The following GSE1 variants were observed in gnomAD, a reference collection of about 807,000 sequenced individuals.
The protein encoded by GSE1 is Gse1 coiled-coil protein.
In GSE1, 32 loss-of-function variants were observed where a neutral mutation model predicts 112.6. That is an observed-to-expected ratio of 0.28 (90% CI 0.21 to 0.38). GSE1 has a LOEUF of 0.38. Ranked by LOEUF, GSE1 falls within the 10% of genes least tolerant of loss-of-function variation. GSE1 has a pLI of 1.00. For missense variants in GSE1, 2,348 were observed against 1,699.2 expected (o/e 1.38, Z -6.71); for synonymous variants, 1,115 against 735.6 (o/e 1.52, Z -8.35).
At chr16:85,485,579 G>A (rs746421832) in intron 2 of GSE1, among the ~76,000 whole-genome samples, 20 of 152,244 alleles carry the variant, frequency 1.3e-4, no homozygotes, top group Non-Finnish European at 2.2e-4. Flanking sequence ...CCGCGTTAAG[G>A]ACAGATGGAT....
chr16:85,339,281 T>G (rs2046572496), intron 1 of GSE1, among the ~76,000 whole-genome samples: 1 of 152,144 alleles, frequency 6.6e-6, no homozygotes, highest in Non-Finnish European at 1.5e-5. Flanking sequence ...TGACCCGGGA[T>G]TTCCAGCCGG....
intron 1 of GSE1, among the ~76,000 whole-genome samples, chr16:85,565,536 C>T (rs904696733): frequency 2.0e-5 from 3 of 152,200 alleles, no homozygotes; most frequent in African/African-American, 4.8e-5. Flanking sequence ...GTGCCCACAC[C>T]GGCGAGGGGC....
chr16:85,644,362 A>C (rs1363728174), intron 2 of GSE1, among the ~76,000 whole-genome samples: 1 of 139,518 alleles, frequency 7.2e-6, no homozygotes, highest in Non-Finnish European at 1.6e-5. Flanking sequence ...AAAAAAAAAG[A>C]GTGTTGGGCA....
chr16:85,301,646 C>T (rs1034113398), intron 1 of GSE1, among the ~76,000 whole-genome samples: 16 of 152,200 alleles, frequency 1.1e-4, no homozygotes, highest in African/African-American at 2.4e-4. Flanking sequence ...ATCTGTCCCT[C>T]GTCTCGGCTC....
chr16:85,524,399 G>A (rs1022714745), intron 2 of GSE1, among the ~76,000 whole-genome samples: 7 of 152,120 alleles, frequency 4.6e-5, no homozygotes, highest in African/African-American at 1.7e-4. Flanking sequence ...GGCTGCCTGC[G>A]AAGCTCAGAA....
chr16:85,605,192 C>G (rs1275246071), intron 1 of GSE1, among the ~76,000 whole-genome samples: 1 of 151,818 alleles, frequency 6.6e-6, no homozygotes, highest in Non-Finnish European at 1.5e-5. Context: ...GTCCTGCTCC[C>G]CTTGCCTAGT....
chr16:85,477,913 A>G (rs900936429), intron 2 of GSE1, among the ~76,000 whole-genome samples: 2 of 151,880 alleles, frequency 1.3e-5, no homozygotes, highest in African/African-American at 4.8e-5. Flanking sequence ...CATATCATGC[A>G]TTTCACCCTT....
intron 2 of GSE1, among the ~76,000 whole-genome samples, chr16:85,469,500 T>G (rs1363118994): frequency 6.6e-6 from 1 of 152,202 alleles, no homozygotes; most frequent in African/African-American, 2.4e-5. Flanking sequence ...AGGGCATTTC[T>G]TTGTTTTTAG....
At chr16:85,217,103 C>T (rs2075317613) in intron 1 of GSE1, among the ~76,000 whole-genome samples, 1 of 152,248 alleles carries the variant, frequency 6.6e-6, no homozygotes, top group Non-Finnish European at 1.5e-5. Context: ...GACTCAGCCC[C>T]TTTCTGCTTC....
intron 1 of GSE1, among the ~76,000 whole-genome samples, chr16:85,300,640 G>A (rs2045497369): frequency 6.6e-6 from 1 of 152,226 alleles, no homozygotes; most frequent in Admixed American, 6.5e-5. Context: ...TCTCGCCGAG[G>A]AATAGTCCAT....
chr16:85,180,682 G>A (rs375554498), intron 1 of GSE1, among the ~76,000 whole-genome samples: 1 of 152,186 alleles, frequency 6.6e-6, no homozygotes, highest in South Asian at 2.1e-4. Context: ...GGGAAGTGCC[G>A]GCGCCGGGAT....
intron 1 of GSE1, among the ~76,000 whole-genome samples, chr16:85,324,976 CG>C (rs1420500584): frequency 2.6e-5 from 4 of 151,862 alleles, no homozygotes; most frequent in Non-Finnish European, 5.9e-5. Context: ...TATTTTTATC[CG>C]TTTTTTTTGA....
chr16:85,631,576 C>A (rs886624442), intron 1 of GSE1, among the ~76,000 whole-genome samples: 2 of 152,224 alleles, frequency 1.3e-5, no homozygotes, highest in Non-Finnish European at 2.9e-5. Flanking sequence ...TGGCTGGACC[C>A]CCTGCCTGCT....
chr16:85,658,143 G>GAC (rs2052127538), intron 8 of GSE1, among the ~76,000 whole-genome samples: 1 of 152,220 alleles, frequency 6.6e-6, no homozygotes, highest in South Asian at 2.1e-4. Context: ...CCCGGCTGCA[G>GAC]ACACAGGTCT....
chr16:85,650,010 C>G (rs573491747), intron 3 of GSE1, among the ~76,000 whole-genome samples: 13 of 152,212 alleles, frequency 8.5e-5, no homozygotes, highest in Non-Finnish European at 1.6e-4. Context: ...GACGTTGCCT[C>G]TGCTTCCTTT....
At position 85,596,120 on chromosome 16, in the gene GSE1, A is replaced by G. The variant is rs370509127; in HGVS notation, c.37+39757A>G. Among the ~76,000 whole-genome samples, 284 of 151,368 alleles carry G rather than the reference A, an allele frequency of 1.9e-3. 2 individuals are homozygous for G. Among genetic ancestry groups the G allele is most frequent in the African/African-American group, 6.5e-3 (268 of 41,080 alleles). On this transcript the variant is annotated intron_variant, in intron 1 of 2. Coordinates refer to the GSE1 transcript ENST00000635906. ...TCCACTGTCTATCCGTGGTCCCTAC[A>G]TTTGGTCTAAAGGTAGGATCTTTTC...
At chr16:85,642,606 C>T (rs887099599) in intron 2 of GSE1, among the ~76,000 whole-genome samples, 2 of 152,258 alleles carry the variant, frequency 1.3e-5, no homozygotes, top group Non-Finnish European at 2.9e-5. Context: ...TCCCCTAGGG[C>T]TCTGGCCCTG....
chr16:85,482,694 T>C (rs562355373), intron 2 of GSE1, among the ~76,000 whole-genome samples: 2 of 152,174 alleles, frequency 1.3e-5, no homozygotes, highest in Admixed American at 1.3e-4. Flanking sequence ...AATACAAAGC[T>C]CAGGCGAGCA....
intron 4 of GSE1, 38 bp downstream of exon 4, chr16:85,654,488 G>T: frequency 6.5e-7 from 1 of 1,528,434 alleles, no homozygotes; most frequent in Non-Finnish European, 8.9e-7. Context: ...AGGTGGCCAG[G>T]TGGGGACACA....
Sources: gnomAD v4.1 joint callset for allele counts (sites outside exome capture counted in the v4.1 genomes callset) on GRCh38, gnomAD v4.1.1 for gene constraint, MANE v1.5 for transcripts, NCBI Gene and HGNC (gene_info 2026-07-23, HGNC 2026-07-21) for gene names.